Variants in DOP1A observed in about 807,000 individuals in gnomAD.
The protein encoded by DOP1A is DOP1 leucine zipper like protein A, also known as protein DOP1A.
In DOP1A, 90 loss-of-function variants were observed where a neutral mutation model predicts 267.6. That is an observed-to-expected ratio of 0.34 (90% confidence interval 0.28 to 0.40). DOP1A has a LOEUF of 0.40. Ranked by LOEUF, DOP1A falls within the 10% of genes least tolerant of loss-of-function variation. The pLI, the probability that DOP1A is intolerant of heterozygous loss-of-function variation, is 1.00. For synonymous variants in DOP1A, 932 were observed against 999.1 expected (o/e 0.93, Z 1.27); for missense variants, 2,437 against 2,900.4 (o/e 0.84, Z 3.67).
chr6:83,088,505 C>T (rs1769736515), intron 1 of DOP1A, among the ~76,000 whole-genome samples: 1 of 150,608 alleles, frequency 6.6e-6, no homozygotes, highest in Non-Finnish European at 1.5e-5. Context: ...TCACTGCAAC[C>T]TCCAACTCTG....
intron 37 of DOP1A, among the ~76,000 whole-genome samples, chr6:83,162,182 G>T (rs1167646552): frequency 6.6e-6 from 1 of 152,050 alleles, no homozygotes; most frequent in South Asian, 2.1e-4. Flanking sequence ...TCCTATGCGG[G>T]GAGGGGAGAC....
At chr6:83,095,695 T>G (rs990127125) in intron 1 of DOP1A, among the ~76,000 whole-genome samples, 2 of 152,198 alleles carry the variant, frequency 1.3e-5, no homozygotes, top group Non-Finnish European at 2.9e-5. Flanking sequence ...CTTCTGTAGG[T>G]CTCGAATTTG....
chr6:83,122,959 A>T lies in DOP1A; in HGVS notation c.1317A>T (p.Ala439=), dbSNP rs372898999. ...CTTATTATATGTGGGATTATGTTGC[A>T]CGCTGGTTTGAAGAATGTTGTAGGT... The part of the protein sequence containing the change: ...FEPYYMWDYV[A]RWFEECCRRT... The change falls in exon 12 of 39, where the codon GCA becomes GCT. Residue 439 remains alanine (A), a synonymous_variant. Coordinates refer to ENST00000349129, the MANE Select transcript of DOP1A (RefSeq NM_015018.4). 1.8e-5 allele frequency: 28 copies of T among 1,584,710 alleles called. No individual in the cohort carries two copies. The highest frequency in any genetic ancestry group is 2.1e-5 in the Non-Finnish European group (25 of 1,169,632).
intron 8 of DOP1A, 53 bp from the exon 9 acceptor site, chr6:83,119,695 C>A: frequency 8.6e-6 from 13 of 1,504,766 alleles, no homozygotes; most frequent in Non-Finnish European, 1.2e-5. Flanking sequence ...ATTTAGTGAA[C>A]AACAGTTTTG....
At chr6:83,139,300 A>G (rs1779263914) in intron 21 of DOP1A, 138 bp downstream of exon 21, 1 of 625,530 alleles carries the variant, frequency 1.6e-6, no homozygotes, top group Admixed American at 3.1e-5. Flanking sequence ...TACTTTCCAC[A>G]AAAAAGAAAA....
downstream of DOP1A, chr6:83,169,601 A>T: frequency 2.2e-6 from 1 of 457,782 alleles, no homozygotes; most frequent in Non-Finnish European, 4.1e-6. Flanking sequence ...ATTCAATAAA[A>T]CTTTAATCCA....
chr6:83,136,946 C>T (rs1306031325), intron 20 of DOP1A, among the ~76,000 whole-genome samples: 3 of 151,992 alleles, frequency 2.0e-5, no homozygotes, highest in Admixed American at 1.3e-4. Flanking sequence ...TGGTTTGCTG[C>T]TAATTTTAAA....
chr6:83,158,438 T>C, intron 35 of DOP1A, 129 bp from the exon 36 acceptor site: 3 of 751,120 alleles, frequency 4.0e-6, no homozygotes, highest in Non-Finnish European at 6.6e-6. Context: ...AGAAACTAAG[T>C]ATAATTTAAA....
In DOP1A at chr6:83,158,592, A is replaced by C; in HGVS notation, c.6767A>C (p.Gln2256Pro). 6.2e-7 allele frequency: 1 copy of C among 1,608,796 alleles called. No homozygotes were observed. The highest frequency in any genetic ancestry group is 8.5e-7 in the Non-Finnish European group (1 of 1,176,986). The change falls in exon 36 of 39, where the codon CAG (glutamine) becomes CCG (proline). Residue 2256 changes from glutamine (Q) to proline (P), a missense_variant. Physicochemically the swap from Gln to Pro is moderately conservative, Grantham distance 76. Coordinates refer to ENST00000349129, the MANE Select transcript of DOP1A (RefSeq NM_015018.4). ...GTACAAGTATTTTTACTGATGGAGC[A>C]GGAACTCACTGCTGATGAAGATATT... ...ELVQVFLLME[Q>P]ELTADEDISR...
chr6:83,104,895 A>AAG (rs1773310935), intron 4 of DOP1A, among the ~76,000 whole-genome samples: 2 of 151,826 alleles, frequency 1.3e-5, no homozygotes, highest in South Asian at 4.2e-4. Context: ...TCTTTTTAAA[A>AAG]ACCAACTTTT....
intron 3 of DOP1A, among the ~76,000 whole-genome samples, chr6:83,099,579 A>C (rs1009768353): frequency 5.3e-5 from 8 of 152,118 alleles, no homozygotes; most frequent in Admixed American, 5.2e-4. Flanking sequence ...ACCAATATTC[A>C]CAAAAGTAGA....
At chr6:83,141,597 T>C (rs747866148) in intron 23 of DOP1A, among the ~76,000 whole-genome samples, 1 of 152,250 alleles carries the variant, frequency 6.6e-6, no homozygotes, top group African/African-American at 2.4e-5. Flanking sequence ...TTTATAATTA[T>C]AGAATCCCTC....
At chr6:83,152,807 G>A (rs898675699) in intron 30 of DOP1A, among the ~76,000 whole-genome samples, 11 of 151,614 alleles carry the variant, frequency 7.3e-5, no homozygotes, top group Non-Finnish European at 1.3e-4. Flanking sequence ...TAGTAGAGAC[G>A]GGGTTTCATC....
Position 83,113,437 on chromosome 6 carries a change from C to A in DOP1A, c.780+16C>A. 6.3e-7 allele frequency: 1 copy of A among 1,597,996 alleles called. No homozygotes were observed. The highest frequency in any genetic ancestry group is 8.6e-7 in the Non-Finnish European group (1 of 1,166,132). On this transcript the variant is annotated intron_variant, in intron 7 of 38. Coordinates refer to ENST00000349129, the MANE Select transcript of DOP1A (RefSeq NM_015018.4). ...CATGAGTCAGGTAAAATATTAACGC[C>A]GATGTTATTATAAGGCATTCTTGGA...
At chr6:83,133,437 A>C (rs937091627) in intron 18 of DOP1A, among the ~76,000 whole-genome samples, 1 of 152,108 alleles carries the variant, frequency 6.6e-6, no homozygotes, top group Non-Finnish European at 1.5e-5. Context: ...AAAAACAAGC[A>C]TGCCTCCCAC....
At chr6:83,152,067 G>C (rs1781780855) in intron 29 of DOP1A, 40 bp downstream of exon 29, 2 of 1,607,302 alleles carry the variant, frequency 1.2e-6, no homozygotes, top group Non-Finnish European at 1.7e-6. Context: ...TCTGTAAGCA[G>C]GCATATATTT....
At chr6:83,110,734 G>A (rs1774404583) in intron 6 of DOP1A, among the ~76,000 whole-genome samples, 2 of 152,216 alleles carry the variant, frequency 1.3e-5, no homozygotes, top group Admixed American at 6.5e-5. Context: ...CTCTTAATAT[G>A]AGCAAGGAAT....
intron 33 of DOP1A, 55 bp downstream of exon 33, chr6:83,154,296 C>A (rs1280162766): frequency 2.0e-6 from 3 of 1,503,774 alleles, no homozygotes; most frequent in Admixed American, 3.4e-5. Context: ...TTCCTTCTTA[C>A]TATTTACTTG....
At position 83,137,936 on chromosome 6, in the gene DOP1A, T is replaced by G. The variant is rs1779096036; in HGVS notation, c.3894T>G (p.Pro1298=). The G allele has an allele frequency of 6.2e-7, 1 of 1,605,396 alleles. No individual in the cohort carries two copies. The highest frequency in any genetic ancestry group is 2.2e-5 in the East Asian group (1 of 44,782). The change falls in exon 21 of 39, where the codon CCT becomes CCG. Residue 1298 remains proline, a synonymous_variant. Coordinates refer to ENST00000349129, the MANE Select transcript of DOP1A (RefSeq NM_015018.4). ...KESGKQPGAK[P]KVKLARKKDD... Reference sequence around the variant, plus strand: ...CAGGTAAACAACCAGGAGCAAAACCTAAAGTAAAACTTGCCAGAAAAAAGG... The same window carrying G: ...CAGGTAAACAACCAGGAGCAAAACCGAAAGTAAAACTTGCCAGAAAAAAGG...
Sources: gnomAD v4.1 joint callset for allele counts (sites outside exome capture counted in the v4.1 genomes callset) on GRCh38, gnomAD v4.1.1 for gene constraint, MANE v1.5 for transcripts, NCBI Gene and HGNC (gene_info 2026-07-23, HGNC 2026-07-21) for gene names.